EYS: variants seen among roughly 807,000 people sequenced by gnomAD.
The protein encoded by EYS is protein eyes shut homolog.
Under a neutral mutation model 282.1 loss-of-function variants are expected in EYS, and 250 were observed. That is an observed-to-expected ratio of 0.89 (90% CI 0.80 to 0.98). The LOEUF is 0.98. Among genes scored for constraint, EYS ranks in the 50% least tolerant of loss-of-function variants. The pLI, the probability that EYS is intolerant of heterozygous loss-of-function variation, is 0.00. For missense variants in EYS, 4,016 were observed against 3,709.0 expected (o/e 1.08, Z -2.15); for synonymous variants, 1,355 against 1,282.9 (o/e 1.06, Z -1.20).
intron 15 of EYS, among the ~76,000 whole-genome samples, chr6:64,917,440 T>C (rs1202475947): frequency 6.6e-6 from 1 of 152,210 alleles, no homozygotes; most frequent in East Asian, 1.9e-4. Flanking sequence ...GCTCTAAATT[T>C]ATTAATACAA....
At chr6:65,139,777 C>T (rs1438582816) in intron 12 of EYS, among the ~76,000 whole-genome samples, 1 of 151,900 alleles carries the variant, frequency 6.6e-6, no homozygotes, top group Non-Finnish European at 1.5e-5. Flanking sequence ...CTAGTTTGGC[C>T]ATTGTGGAAA....
intron 12 of EYS, among the ~76,000 whole-genome samples, chr6:65,115,482 G>C (rs1775339989): frequency 6.6e-6 from 1 of 151,766 alleles, no homozygotes; most frequent in Admixed American, 6.6e-5. Flanking sequence ...GATCAGACTA[G>C]CTAACAGACC....
intron 19 of EYS, among the ~76,000 whole-genome samples, chr6:64,857,032 A>T (rs1190607308): frequency 3.9e-5 from 6 of 152,254 alleles, no homozygotes; most frequent in Non-Finnish European, 5.9e-5. Context: ...TCATTTGCTT[A>T]AAAAACTATT....
At chr6:64,394,456 G>C (rs149026006) in intron 28 of EYS, among the ~76,000 whole-genome samples, 42,155 of 151,906 alleles carry the variant, frequency 0.28, 5,971 homozygotes, top group East Asian at 0.46. Context: ...GAACAGAATA[G>C]AGCCCTCCGA....
At chr6:64,765,880 G>A (rs1487276929) in intron 22 of EYS, among the ~76,000 whole-genome samples, 6 of 151,708 alleles carry the variant, frequency 4.0e-5, no homozygotes, top group Non-Finnish European at 8.8e-5. Context: ...TGGGGATACC[G>A]AGCCAAAAAA....
chr6:64,691,054 C>T (rs1770363844), intron 22 of EYS, among the ~76,000 whole-genome samples: 1 of 151,766 alleles, frequency 6.6e-6, no homozygotes, highest in Admixed American at 6.6e-5. Flanking sequence ...ATAAATATAT[C>T]ATTACCTCAA....
At chr6:64,167,291 G>T (rs1417813838) in intron 31 of EYS, among the ~76,000 whole-genome samples, 1 of 152,102 alleles carries the variant, frequency 6.6e-6, no homozygotes, top group Non-Finnish European at 1.5e-5. Context: ...GGAAAATGAT[G>T]GACTTTTTGA....
chr6:64,353,470 A>G (rs989385585), intron 29 of EYS, among the ~76,000 whole-genome samples: 1 of 151,618 alleles, frequency 6.6e-6, no homozygotes, highest in South Asian at 2.1e-4. Flanking sequence ...AGATCTTCCC[A>G]TTACTTGGTT....
intron 31 of EYS, among the ~76,000 whole-genome samples, chr6:64,185,176 A>T (rs1032070788): frequency 1.4e-5 from 2 of 146,596 alleles, no homozygotes; most frequent in Non-Finnish European, 3.0e-5. Flanking sequence ...TGTGAGAAAT[A>T]AATAAATAAT....
chr6:64,132,266 G>T (rs1774003576), intron 31 of EYS, among the ~76,000 whole-genome samples: 4 of 151,862 alleles, frequency 2.6e-5, no homozygotes, highest in Admixed American at 1.3e-4. Context: ...AGAATATACT[G>T]CGTTAAAATA....
intron 18 of EYS, among the ~76,000 whole-genome samples, chr6:64,894,070 T>C (rs1458403878): frequency 6.6e-6 from 1 of 152,146 alleles, no homozygotes; most frequent in Non-Finnish European, 1.5e-5. Flanking sequence ...AGACTTATTT[T>C]TTCAGTCAAT....
At chr6:65,641,269 A>G (rs1231830508) in intron 1 of EYS, among the ~76,000 whole-genome samples, 32 of 151,908 alleles carry the variant, frequency 2.1e-4, no homozygotes. Flanking sequence ...AATTAACCAT[A>G]CTCTTCCCAA....
At chr6:65,657,113 T>A (rs1254820112) in intron 1 of EYS, among the ~76,000 whole-genome samples, 1 of 151,858 alleles carries the variant, frequency 6.6e-6, no homozygotes, top group Non-Finnish European at 1.5e-5. Flanking sequence ...TCTTGAGACA[T>A]ACTGCTCAGG....
intron 19 of EYS, among the ~76,000 whole-genome samples, chr6:64,843,266 G>A (rs573562919): frequency 9.2e-5 from 14 of 152,218 alleles, no homozygotes; most frequent in South Asian, 2.1e-4. Context: ...CCCATACTGC[G>A]GCACCACCTA....
chr6:63,909,569 A>G (rs193048817), intron 35 of EYS, among the ~76,000 whole-genome samples: 24 of 152,346 alleles, frequency 1.6e-4, no homozygotes, highest in African/African-American at 4.3e-4. Context: ...GTTGACATCA[A>G]GTTGGTATCT....
At chr6:65,320,404 G>A (rs1769439820) in intron 11 of EYS, among the ~76,000 whole-genome samples, 1 of 152,208 alleles carries the variant, frequency 6.6e-6, no homozygotes, top group East Asian at 1.9e-4. Context: ...GATATAGGAG[G>A]AATCCAGACG....
At chr6:64,211,397 A>C (rs1194338579) in intron 31 of EYS, among the ~76,000 whole-genome samples, 1 of 152,096 alleles carries the variant, frequency 6.6e-6, no homozygotes, top group Non-Finnish European at 1.5e-5. Flanking sequence ...TGGTTCAAGC[A>C]GTGCTTAAAA....
Position 64,999,228 on chromosome 6 carries a change from A to T in EYS, c.2138-1525T>A, listed in dbSNP as rs906001586. Among the ~76,000 whole-genome samples, 15 of 152,228 alleles carry T rather than the reference A, an allele frequency of 9.9e-5. 1 individual carries two copies. Among genetic ancestry groups the T allele is most frequent in the African/African-American group, 3.6e-4 (15 of 41,456 alleles). On this transcript the variant is annotated intron_variant, in intron 13 of 42. Coordinates refer to ENST00000503581, the MANE Select transcript of EYS (RefSeq NM_001142800.2). ...AGGGAAATCGGATACTGCAAAGAAG[A>T]TAGAAAAAAATTAAATATTTAAAAC... is the stretch of plus-strand genomic sequence containing the variant.
intron 8 of EYS, among the ~76,000 whole-genome samples, chr6:65,356,970 A>G (rs1172216542): frequency 1.3e-5 from 2 of 152,042 alleles, no homozygotes; most frequent in Non-Finnish European, 2.9e-5. Context: ...GCAAGTTAAT[A>G]TAAGTAAAGT....
Sources: gnomAD v4.1 joint callset for allele counts (sites outside exome capture counted in the v4.1 genomes callset) on GRCh38, gnomAD v4.1.1 for gene constraint, MANE v1.5 for transcripts, NCBI Gene and HGNC (gene_info 2026-07-23, HGNC 2026-07-21) for gene names.